The following WIF1 variants were observed in gnomAD, a reference collection of about 807,000 sequenced individuals.
WIF1 encodes Wnt inhibitory factor 1.
WIF1 carries 35 observed loss-of-function variants against 53.5 expected under a neutral mutation model. The ratio of observed to expected loss-of-function variants is 0.65; its 90% CI spans 0.50 to 0.87. The LOEUF (loss-of-function observed/expected upper bound fraction) is 0.87. Ranked by LOEUF, WIF1 falls within the 40% of genes least tolerant of loss-of-function variation. The pLI, the probability that WIF1 is intolerant of heterozygous loss-of-function variation, is 0.00. For synonymous variants in WIF1, 171 were observed against 170.4 expected (o/e 1.00, Z -0.03); for missense variants, 467 against 476.8 (o/e 0.98, Z 0.19).
At chr12:65,105,803 A>G (rs1321070139) in intron 2 of WIF1, among the ~76,000 whole-genome samples, 1 of 152,146 alleles carries the variant, frequency 6.6e-6, no homozygotes. Context: ...ACACCGCCAC[A>G]CTGGCAATTA....
At chr12:65,078,697 T>C (rs1320214485) in intron 2 of WIF1, among the ~76,000 whole-genome samples, 3 of 152,116 alleles carry the variant, frequency 2.0e-5, no homozygotes, top group African/African-American at 7.2e-5. Flanking sequence ...AAAACCACCA[T>C]CACAATAAGA....
chr12:65,115,316 T>C (rs1432111849), intron 2 of WIF1, among the ~76,000 whole-genome samples: 1 of 152,120 alleles, frequency 6.6e-6, no homozygotes, highest in Non-Finnish European at 1.5e-5. Context: ...CCTTTGTAAG[T>C]AAAGATCTAT....
chr12:65,051,530 A>G (rs1882442152), intron 9 of WIF1, 60 bp from the exon 10 acceptor site: 1 of 1,465,104 alleles, frequency 6.8e-7, no homozygotes, highest in African/African-American at 1.4e-5. Flanking sequence ...CTTCAGATTC[A>G]TTATTAACCA....
At chr12:65,081,516 A>G (rs972514515) in intron 2 of WIF1, among the ~76,000 whole-genome samples, 6 of 152,198 alleles carry the variant, frequency 3.9e-5, no homozygotes, top group Admixed American at 2.0e-4. Context: ...TGATGCAGCT[A>G]GGCTTAATAG....
chr12:65,058,357 TCTC>T (rs770119161), intron 7 of WIF1, among the ~76,000 whole-genome samples: 1 of 152,196 alleles, frequency 6.6e-6, no homozygotes, highest in Non-Finnish European at 1.5e-5. Flanking sequence ...GCCCGAATTT[TCTC>T]CTCCTCTATG....
At chr12:65,057,416 A>T (rs922866334) in intron 7 of WIF1, among the ~76,000 whole-genome samples, 1 of 152,184 alleles carries the variant, frequency 6.6e-6, no homozygotes, top group African/African-American at 2.4e-5. Context: ...TCATTTAATA[A>T]ATTTCTCACT....
In WIF1 at chr12:65,077,735, A is replaced by C; in HGVS notation, c.397+11T>G. 1 of 1,598,196 alleles carries C rather than the reference A, an allele frequency of 6.3e-7. No individual in the cohort carries two copies. The highest frequency in any genetic ancestry group is 8.6e-7 in the Non-Finnish European group (1 of 1,166,562). On this transcript the variant is annotated intron_variant, in intron 3 of 9. Coordinates refer to ENST00000286574, the MANE Select transcript of WIF1 (RefSeq NM_007191.5). ...TAAGTGTAAACCTTTCTTCAGGCAA[A>C]GACCACCCACCTGATGCCTTGTGAG...
intron 9 of WIF1, 111 bp from the exon 10 acceptor site, chr12:65,051,581 A>G: frequency 7.5e-7 from 1 of 1,328,528 alleles, no homozygotes; most frequent in Non-Finnish European, 9.8e-7. Context: ...TCCAGAATGA[A>G]AAACCGCAAT....
intron 2 of WIF1, among the ~76,000 whole-genome samples, chr12:65,094,975 C>T (rs920203577): frequency 6.6e-6 from 1 of 151,294 alleles, no homozygotes; most frequent in Non-Finnish European, 1.5e-5. Flanking sequence ...CTCTGTCACC[C>T]GGGCTAAAGT....
At chr12:65,068,328 G>A (rs1042478508) in intron 4 of WIF1, among the ~76,000 whole-genome samples, 18 of 151,994 alleles carry the variant, frequency 1.2e-4, no homozygotes, top group African/African-American at 4.1e-4. Flanking sequence ...TCTGTCCTCC[G>A]TGGATATTCA....
At chr12:65,090,180 G>C (rs1883101905) in intron 2 of WIF1, among the ~76,000 whole-genome samples, 1 of 152,162 alleles carries the variant, frequency 6.6e-6, no homozygotes, top group African/African-American at 2.4e-5. Context: ...AGACTAAGCT[G>C]GTCCAGAGCT....
At chr12:65,107,197 T>C (rs1452655902) in intron 2 of WIF1, among the ~76,000 whole-genome samples, 2 of 152,210 alleles carry the variant, frequency 1.3e-5, no homozygotes, top group Non-Finnish European at 2.9e-5. Flanking sequence ...GTGACAGCAA[T>C]ATAAATACAA....
intron 3 of WIF1, among the ~76,000 whole-genome samples, chr12:65,072,956 G>T (rs1416756799): frequency 6.6e-6 from 1 of 152,142 alleles, no homozygotes; most frequent in East Asian, 1.9e-4. Flanking sequence ...TCACAGCATT[G>T]AAGTACAGAC....
chr12:65,107,664 C>A (rs1883370628), intron 2 of WIF1, among the ~76,000 whole-genome samples: 1 of 152,158 alleles, frequency 6.6e-6, no homozygotes, highest in East Asian at 1.9e-4. Flanking sequence ...AGGTTTCCTA[C>A]CTGGACTTGG....
At chr12:65,063,119 T>G (rs1565749395) in intron 6 of WIF1, among the ~76,000 whole-genome samples, 1 of 152,184 alleles carries the variant, frequency 6.6e-6, no homozygotes, top group East Asian at 1.9e-4. Flanking sequence ...GTAACTGTAT[T>G]CAGAAAAAGA....
chr12:65,111,014 T>A (rs1285083027), intron 2 of WIF1, among the ~76,000 whole-genome samples: 1 of 152,050 alleles, frequency 6.6e-6, no homozygotes, highest in East Asian at 1.9e-4. Context: ...AGGGAGTGCA[T>A]TCTAGGCAGA....
intron 4 of WIF1, 43 bp downstream of exon 4, chr12:65,068,721 G>T: frequency 3.7e-6 from 6 of 1,602,864 alleles, no homozygotes; most frequent in Non-Finnish European, 5.1e-6. Flanking sequence ...TCACACCTAA[G>T]CCCTTACAAC....
chr12:65,076,259 A>G (rs1381118764), intron 3 of WIF1, among the ~76,000 whole-genome samples: 1 of 151,066 alleles, frequency 6.6e-6, no homozygotes, highest in African/African-American at 2.4e-5. Context: ...CCGGTCTTGA[A>G]CTCCTGGGCA....
chr12:65,106,937 A>G (rs1883361342), intron 2 of WIF1, among the ~76,000 whole-genome samples: 1 of 152,246 alleles, frequency 6.6e-6, no homozygotes, highest in Non-Finnish European at 1.5e-5. Context: ...GTAATGAATC[A>G]TTCACATTTT....
Sources: allele counts gnomAD v4.1 joint callset (sites outside exome capture counted in the v4.1 genomes callset), GRCh38; gene constraint gnomAD v4.1.1; transcripts MANE v1.5; gene names NCBI Gene and HGNC (gene_info 2026-07-23, HGNC 2026-07-21).